TTC9C: variants seen among roughly 807,000 people sequenced by gnomAD.
TTC9C encodes tetratricopeptide repeat domain 9C, also known as tetratricopeptide repeat protein 9C.
TTC9C carries 15 observed loss-of-function variants against 22.5 expected under a neutral mutation model. The observed-to-expected ratio is 0.67, with a 90% CI of 0.45 to 1.03. The LOEUF is 1.03. Ranked by LOEUF, TTC9C falls within the 50% of genes least tolerant of loss-of-function variation. TTC9C has a pLI of 0.00. For missense variants in TTC9C, 244 were observed against 214.6 expected (o/e 1.14, Z -0.86); for synonymous variants, 92 against 86.8 (o/e 1.06, Z -0.33).
chr11:62,729,199 T>C (rs1177069026), intron 1 of TTC9C, 113 bp downstream of exon 1: 3 of 906,152 alleles, frequency 3.3e-6, no homozygotes, highest in African/African-American at 3.4e-5. Context: ...CATCCATTTA[T>C]TCTGCCATGA....
Position 62,728,738 on chromosome 11 carries a change from T to A in TTC9C, c.-111T>A. On this transcript the variant is annotated 5_prime_UTR_variant, in exon 1 of 3. Transcript: ENST00000316461. ...TGGGGGGACTCTCCAGGAAGAAGGG[T>A]AATTTCCTGCCTCCTTAAATTGGCT... 9.5e-7 allele frequency: 1 copy of A among 1,056,800 alleles called. No individual in the cohort carries two copies. The highest frequency in any genetic ancestry group is 1.4e-6 in the Non-Finnish European group (1 of 695,672). The allele number at this position is 1,056,800 out of a possible 1,614,324, so 65.5% of individuals were successfully genotyped here.
rs1355557898 is a variant in TTC9C, at chr11:62,738,429, A to C, written c.*47A>C. On this transcript the variant is annotated 3_prime_UTR_variant, in exon 3 of 3. Transcript: ENST00000316461. The stretch of plus-strand genomic sequence containing the variant: ...CAGTTGAACTTAGGTGGACCATTAA[A>C]CATGCATGAAGGAGAAATCTGAGCC... 7.7e-7 allele frequency: 1 copy of C among 1,303,006 alleles called. No individual in the cohort carries two copies. Among genetic ancestry groups the C allele is most frequent in the Admixed American group, 1.8e-5 (1 of 54,804 alleles). 80.7% of individuals were successfully genotyped at this position (1,303,006 alleles called of 1,614,324 possible).
intron 1 of TTC9C, among the ~76,000 whole-genome samples, chr11:62,733,853 A>G (rs1295261001): frequency 1.3e-5 from 2 of 151,988 alleles, no homozygotes; most frequent in African/African-American, 4.8e-5. Flanking sequence ...TTAGCCAGGC[A>G]TGGTGGTGAG....
At chr11:62,730,895 A>ATT (rs34523976) in intron 1 of TTC9C, among the ~76,000 whole-genome samples, 1 of 136,872 alleles carries the variant, frequency 7.3e-6, no homozygotes, top group Admixed American at 7.7e-5. Context: ...TTATTTATTT[A>ATT]TTTTTTTTTT....
Position 62,729,019 on chromosome 11 carries a change from G to A in TTC9C, c.171G>A (p.Pro57=), listed in dbSNP as rs558636395. 3.7e-4 allele frequency: 594 copies of A among 1,614,114 alleles called. 9 individuals are homozygous for A. In the South Asian group the frequency reaches 5.2e-3, roughly 14 times the overall value. ...SPLPNLGPQG[P]ALTPEQENIL... is the part of the protein sequence containing the mutation. ...TACCTAATCTCGGACCTCAGGGCCC[G>A]GCCCTCACGCCTGAACAAGAAAACA... Residue 57 remains proline (P), a synonymous_variant, in exon 1 of 3, where the codon CCG becomes CCA. Transcript: ENST00000316461.
At position 62,728,747 on chromosome 11, in the gene TTC9C, G is replaced by C. The variant is rs2083799579; in HGVS notation, c.-102G>C. The C allele has an allele frequency of 3.5e-6, 4 of 1,155,976 alleles. No individual in the cohort carries two copies. In the South Asian group the frequency reaches 3.8e-5, roughly 11 times the overall value. The allele number at this position is 1,155,976 out of a possible 1,614,324, so 71.6% of individuals were successfully genotyped here. On this transcript the variant is annotated 5_prime_UTR_variant, in exon 1 of 3. Transcript: ENST00000316461. ...TCTCCAGGAAGAAGGGTAATTTCCT[G>C]CCTCCTTAAATTGGCTGCTACTGTC...
At chr11:62,730,894 TA>T (rs71056552) in intron 1 of TTC9C, among the ~76,000 whole-genome samples, 302 of 133,442 alleles carry the variant, frequency 2.3e-3, no homozygotes, top group Non-Finnish European at 3.7e-3. Flanking sequence ...TTTATTTATT[TA>T]TTTTTTTTTT....
intron 2 of TTC9C, among the ~76,000 whole-genome samples, chr11:62,736,664 A>C (rs1361989679): frequency 6.6e-6 from 1 of 151,122 alleles, no homozygotes; most frequent in East Asian, 1.9e-4. Context: ...GGTGCATTCC[A>C]GCCTAGGGGA....
chr11:62,738,305 T>TACCTCCAGCTGACACAGTCAGA lies in TTC9C; in HGVS notation c.442_463dup (p.Leu155ProfsTer13). The TACCTCCAGCTGACACAGTCAGA allele has an allele frequency of 6.2e-7, 1 of 1,612,404 alleles. No homozygotes were observed. ...CTTCCAAGATGCCAACGTCCGGCGG[T>TACCTCCAGCTGACACAGTCAGA]ACCTCCAGCTGACACAGTCAGAACT... On this transcript the variant is annotated frameshift_variant, in exon 3 of 3. Coordinates refer to ENST00000316461, the MANE Select transcript of TTC9C (RefSeq NM_173810.4). LOFTEE classifies it high-confidence loss of function.
Position 62,735,306 on chromosome 11 carries a change from C to T in TTC9C, c.239-76C>T. Reference sequence around the variant, plus strand: ...AATGTTGTTACCACCCTGTTCAGTACTGTCTTGAGCTGGCCAGTGGAACCT... The same window carrying T: ...AATGTTGTTACCACCCTGTTCAGTATTGTCTTGAGCTGGCCAGTGGAACCT... On this transcript the variant is annotated intron_variant, in intron 1 of 2. Transcript: ENST00000316461. 3.2e-6 allele frequency: 5 copies of T among 1,561,274 alleles called. No homozygotes were observed. In the South Asian group the frequency reaches 4.8e-5, roughly 15 times the overall value.
intron 1 of TTC9C, 83 bp downstream of exon 1, chr11:62,729,169 C>CTT (rs34615969): frequency 6.0e-3 from 5,588 of 933,424 alleles, no homozygotes; most frequent in Non-Finnish European, 7.0e-3. Flanking sequence ...AAAACGCTGA[C>CTT]TTTTTTTTTT....
intron 1 of TTC9C, 120 bp downstream of exon 1, chr11:62,729,206 A>G: frequency 1.1e-5 from 9 of 832,782 alleles, no homozygotes; most frequent in Non-Finnish European, 1.7e-5. Flanking sequence ...TTATTCTGCC[A>G]TGAATTGGAA....
chr11:62,728,063 C>T (rs2083784049), upstream of TTC9C: 1 of 149,650 alleles, frequency 6.7e-6, no homozygotes, highest in African/African-American at 2.5e-5. Context: ...CAGGTTGGTC[C>T]GCTGAGGAGG....
intron 2 of TTC9C, among the ~76,000 whole-genome samples, chr11:62,737,182 G>A (rs1029127116): frequency 1.3e-5 from 2 of 152,162 alleles, no homozygotes; most frequent in Non-Finnish European, 2.9e-5. Flanking sequence ...CTGGGAGACA[G>A]AGGGAGACTC....
rs150003076 is a variant in TTC9C at position 62,728,918 on chromosome 11, T to C, written c.70T>C (p.Tyr24His). The change falls in exon 1 of 3, where the codon TAC becomes CAC. Residue 24 changes from tyrosine (Y) to histidine (H), a missense_variant. Tyr to His is a moderately conservative substitution (Grantham distance 83). Transcript: ENST00000316461. ...GAACCAGCGCTACCGGGAAGGGAAG[T>C]ACCGAGATGCTGTGAGTAGGTACCA... ...EGNQRYREGKYRDAVSRYHRA... is the reference protein window; with the variant it reads ...EGNQRYREGKHRDAVSRYHRA... The C allele has an allele frequency of 5.0e-5, 81 of 1,614,162 alleles. 1 individual carries two copies. The African/African-American group carries it at 9.3e-4, about 19-fold the overall frequency.
intron 2 of TTC9C, among the ~76,000 whole-genome samples, chr11:62,736,421 G>A (rs541202621): frequency 6.6e-6 from 1 of 151,882 alleles, no homozygotes; most frequent in South Asian, 2.1e-4. Context: ...GTGGCCGGGC[G>A]CAGTGGCTCA....
At chr11:62,728,188 C>T (rs1330527466), upstream of TTC9C, 2 of 289,502 alleles carry the variant, frequency 6.9e-6, no homozygotes, top group African/African-American at 2.2e-5. Flanking sequence ...CTTTCCTCTC[C>T]TTGCTCCTGC....
At chr11:62,731,603 G>A (rs532306912) in intron 1 of TTC9C, among the ~76,000 whole-genome samples, 37 of 151,334 alleles carry the variant, frequency 2.4e-4, no homozygotes, top group African/African-American at 8.7e-4. Flanking sequence ...TCTGTCCCCC[G>A]ATTCCTCCCA....
Position 62,728,864 on chromosome 11 carries a change from C to T in TTC9C, c.16C>T (p.Gln6Ter). 6.2e-7 allele frequency: 1 copy of T among 1,614,148 alleles called. No individual in the cohort carries two copies. The highest frequency in any genetic ancestry group is 8.5e-7 in the Non-Finnish European group (1 of 1,180,020). Residue 6 changes from glutamine to a stop codon, truncating the protein, a stop_gained, in exon 1 of 3, where the codon CAG (glutamine) becomes TAG (stop). Coordinates refer to ENST00000316461, the MANE Select transcript of TTC9C (RefSeq NM_173810.4). LOFTEE classifies it high-confidence loss of function. ...GGCGACAGTTATGGAGAAGCGTCTG[C>T]AGGAGGCTCAGCTGTACAAGGAGGA... is the stretch of plus-strand genomic sequence containing the variant. The part of the protein sequence containing the change: MEKRL[Q>*]EAQLYKEEGN...
Sources: gnomAD v4.1 joint callset for allele counts (sites outside exome capture counted in the v4.1 genomes callset) on GRCh38, gnomAD v4.1.1 for gene constraint, MANE v1.5 for transcripts, NCBI Gene and HGNC (gene_info 2026-07-23, HGNC 2026-07-21) for gene names.